The following CLSTN2 variants were observed in gnomAD, a reference collection of about 807,000 sequenced individuals.
CLSTN2 encodes calsyntenin 2.
CLSTN2 carries 48 observed loss-of-function variants against 101.2 expected under a neutral mutation model. That is an observed-to-expected ratio of 0.47 (90% CI 0.38 to 0.60). The LOEUF is 0.60. CLSTN2 is among the 20% of genes least tolerant of loss of function. The probability of loss-of-function intolerance (pLI) is 0.00; values close to 1 mark genes in which losing one functional copy is unlikely to be tolerated. For missense variants in CLSTN2, 1,160 were observed against 1,238.2 expected, an observed-to-expected ratio of 0.94 and a Z score of 0.95; for synonymous variants, 481 against 463.6, an observed-to-expected ratio of 1.04 and a Z score of -0.48.
chr3:140,386,550 C>G (rs551100530), intron 2 of CLSTN2, among the ~76,000 whole-genome samples: 29 of 152,322 alleles, frequency 1.9e-4, no homozygotes, highest in African/African-American at 3.6e-4. Flanking sequence ...GCTGGTCGCT[C>G]CCACACACAG....
intron 1 of CLSTN2, among the ~76,000 whole-genome samples, chr3:140,004,790 T>C (rs1232936654): frequency 1.3e-5 from 2 of 151,692 alleles, no homozygotes; most frequent in Non-Finnish European, 2.9e-5. Flanking sequence ...CAGTTCACAA[T>C]AAAACCCAAT....
intron 1 of CLSTN2, among the ~76,000 whole-genome samples, chr3:140,094,883 G>A (rs184791913): frequency 3.9e-5 from 6 of 152,310 alleles, no homozygotes; most frequent in Admixed American, 2.0e-4. Flanking sequence ...CTGACTTTCC[G>A]TAAATTACGT....
At chr3:140,078,721 T>C (rs2008537501) in intron 1 of CLSTN2, among the ~76,000 whole-genome samples, 1 of 152,206 alleles carries the variant, frequency 6.6e-6, no homozygotes, top group African/African-American at 2.4e-5. Flanking sequence ...GGAAAATCAA[T>C]AGTATTAACA....
chr3:140,440,203 C>T (rs2088745687), intron 5 of CLSTN2, among the ~76,000 whole-genome samples: 1 of 152,080 alleles, frequency 6.6e-6, no homozygotes. Flanking sequence ...GGGCAGGGAC[C>T]GAGCGAGTAC....
chr3:140,566,472 G>A lies in CLSTN2; in HGVS notation c.*219G>A, dbSNP rs1425859318. The A allele has an allele frequency of 3.4e-6, 2 of 584,072 alleles. No homozygotes were observed. Among genetic ancestry groups the A allele is most frequent in the Non-Finnish European group, 6.1e-6 (2 of 327,244 alleles). 36.2% of individuals were successfully genotyped at this position (584,072 alleles called of 1,614,324 possible). On this transcript the variant is annotated 3_prime_UTR_variant, in exon 17 of 17. Transcript: ENST00000458420. Reference sequence around the variant, plus strand: ...CATGGCCATCAGTGAGGACTTCAGGGTAGACTTTGTCCTGTAGCCTCCACT... The same window carrying A: ...CATGGCCATCAGTGAGGACTTCAGGATAGACTTTGTCCTGTAGCCTCCACT...
At chr3:140,424,740 G>C (rs2088545939) in intron 5 of CLSTN2, among the ~76,000 whole-genome samples, 2 of 152,210 alleles carry the variant, frequency 1.3e-5, no homozygotes, top group Non-Finnish European at 1.5e-5. Context: ...GGTGAATCCT[G>C]CACTTTGTAA....
chr3:140,450,123 C>CTTTA (rs1274436825), intron 6 of CLSTN2: 13 of 152,198 alleles, frequency 8.5e-5, no homozygotes, highest in Non-Finnish European at 4.4e-5. Context: ...ACATGCATTA[C>CTTTA]TTTATTTAGT....
intron 1 of CLSTN2, among the ~76,000 whole-genome samples, chr3:139,947,451 T>C (rs921827257): frequency 1.8e-4 from 28 of 152,224 alleles, no homozygotes; most frequent in Non-Finnish European, 3.5e-4. Context: ...ACTAAAATGT[T>C]ATCATTCAGG....
intron 2 of CLSTN2, among the ~76,000 whole-genome samples, chr3:140,256,584 C>G (rs569264434): frequency 1.3e-5 from 2 of 152,332 alleles, no homozygotes; most frequent in African/African-American, 4.8e-5. Flanking sequence ...GAATTAGTTT[C>G]AGATTGATAT....
intron 2 of CLSTN2, among the ~76,000 whole-genome samples, chr3:140,230,363 A>G (rs1033347798): frequency 1.3e-5 from 2 of 152,250 alleles, no homozygotes; most frequent in African/African-American, 4.8e-5. Flanking sequence ...TTACTCAATG[A>G]CTAAAGCTAG....
chr3:140,507,227 C>T (rs989797002), intron 8 of CLSTN2: 6 of 152,138 alleles, frequency 3.9e-5, no homozygotes, highest in Non-Finnish European at 8.8e-5. Context: ...GTGTTCTAAG[C>T]GTTTTACATG....
chr3:140,568,162 T>C lies in CLSTN2; in HGVS notation c.*1909T>C, dbSNP rs1985360319. ...TGGTGCAGGATTCTACTTATGTTCATAGGTATGCACCTAACAGACACTGCT... is the reference window on the plus strand; with the variant it reads ...TGGTGCAGGATTCTACTTATGTTCACAGGTATGCACCTAACAGACACTGCT... On this transcript the variant is annotated 3_prime_UTR_variant, in exon 17 of 17. Transcript: ENST00000458420. 1 of 152,258 alleles carries C rather than the reference T, an allele frequency of 6.6e-6. No homozygotes were observed. Among genetic ancestry groups the C allele is most frequent in the African/African-American group, 2.4e-5 (1 of 41,462 alleles). The allele number at this position is 152,258 out of a possible 1,614,324, so 9.4% of individuals were successfully genotyped here.
chr3:139,977,507 A>ATCT (rs1935838883), intron 1 of CLSTN2, among the ~76,000 whole-genome samples: 1 of 125,406 alleles, frequency 8.0e-6, no homozygotes, highest in Non-Finnish European at 1.8e-5. Context: ...AAACAGTATC[A>ATCT]ACTGTGCTGT....
intron 2 of CLSTN2, among the ~76,000 whole-genome samples, chr3:140,312,487 T>C (rs2087179973): frequency 6.6e-6 from 1 of 152,262 alleles, no homozygotes; most frequent in Non-Finnish European, 1.5e-5. Flanking sequence ...GTTATCATCT[T>C]TCGTCTACAA....
In CLSTN2 at chr3:140,513,223, A is replaced by G. The variant is rs1576606425; in HGVS notation, c.1345-19101A>G. ...GAATGCGTCCAGCTTTTACCCATTC[A>G]GTATGATATTGGCTGTGTGTTTGTC... On this transcript the variant is annotated intron_variant, in intron 8 of 16. Coordinates refer to ENST00000458420, the MANE Select transcript of CLSTN2 (RefSeq NM_022131.3). 3.3e-5 allele frequency among the ~76,000 whole-genome samples: 5 copies of G among 152,314 alleles called. No homozygotes were observed. In the South Asian group the frequency reaches 1.0e-3, roughly 32 times the overall value.
At chr3:140,427,212 T>TATATAC (rs2088579436) in intron 5 of CLSTN2, among the ~76,000 whole-genome samples, 1 of 75,622 alleles carries the variant, frequency 1.3e-5, no homozygotes, top group African/African-American at 1.0e-4. Context: ...TATGTGTATA[T>TATATAC]ATATATATAT....
chr3:140,158,972 G>A (rs1252758438), intron 1 of CLSTN2, among the ~76,000 whole-genome samples: 1 of 152,154 alleles, frequency 6.6e-6, no homozygotes, highest in Non-Finnish European at 1.5e-5. Flanking sequence ...TAATTGGCTA[G>A]TAATATACAG....
intron 2 of CLSTN2, among the ~76,000 whole-genome samples, chr3:140,227,601 A>T (rs2086334550): frequency 1.3e-5 from 2 of 152,182 alleles, no homozygotes; most frequent in Admixed American, 1.3e-4. Context: ...GGGACTCTGT[A>T]TGGGGGCTTA....
intron 8 of CLSTN2, among the ~76,000 whole-genome samples, chr3:140,515,580 C>G (rs938736916): frequency 6.6e-6 from 1 of 152,062 alleles, no homozygotes; most frequent in Non-Finnish European, 1.5e-5. Flanking sequence ...TATTATAATT[C>G]AATTCAAAAT....
Sources: allele counts gnomAD v4.1 joint callset (sites outside exome capture counted in the v4.1 genomes callset), GRCh38; gene constraint gnomAD v4.1.1; transcripts MANE v1.5; gene names NCBI Gene and HGNC (gene_info 2026-07-23, HGNC 2026-07-21).